PAX7: variants seen among roughly 807,000 people sequenced by gnomAD.
The protein encoded by PAX7 is paired box 7.
In PAX7, 18 loss-of-function variants were observed where a neutral mutation model predicts 50.7. That is an observed-to-expected ratio of 0.36 (90% CI 0.25 to 0.53). The LOEUF is 0.53. Ranked by LOEUF, PAX7 falls within the 20% of genes least tolerant of loss-of-function variation. PAX7 has a pLI of 0.93. For synonymous variants in PAX7, 310 were observed against 290.4 expected (o/e 1.07, Z -0.69); for missense variants, 644 against 702.9 (o/e 0.92, Z 0.95).
At chr1:18,646,164 C>T (rs2088334603) in intron 4 of PAX7, among the ~76,000 whole-genome samples, 1 of 152,208 alleles carries the variant, frequency 6.6e-6, no homozygotes. Context: ...TGCAGAATCC[C>T]AGCATGTCCG....
At chr1:18,734,292 C>G (rs1371447584) in intron 7 of PAX7, among the ~76,000 whole-genome samples, 1 of 152,134 alleles carries the variant, frequency 6.6e-6, no homozygotes, top group Non-Finnish European at 1.5e-5. Context: ...AAAGCCGTCC[C>G]CACCTCATAC....
intron 4 of PAX7, among the ~76,000 whole-genome samples, chr1:18,654,045 A>G (rs1478013473): frequency 1.3e-5 from 2 of 152,082 alleles, no homozygotes; most frequent in Non-Finnish European, 2.9e-5. Context: ...AATACGCCAA[A>G]GATGAACGCC....
chr1:18,744,696 G>GGATGGATA (rs1931347248), intron 8 of PAX7, 118 bp from the exon 9 acceptor site: 4 of 379,650 alleles, frequency 1.1e-5, no homozygotes, highest in Middle Eastern at 5.6e-4. Context: ...ATAAATGGAT[G>GGATGGATA]GATGGATGGA....
rs886254735 is a variant in PAX7, at chr1:18,632,524, T to C, written c.85+836T>C. On this transcript the variant is annotated intron_variant, in intron 1 of 8. Transcript: ENST00000420770. This position sits in a 1 kb window ranked among gnomAD's most constrained non-coding sequence, Gnocchi z 6.3. Reference sequence around the variant, plus strand: ...ACAGCGGAGAGACCCGCTCCTGTGTTTTTGTTCTGTTTTCTTTTTAAACTA... The same window carrying C: ...ACAGCGGAGAGACCCGCTCCTGTGTCTTTGTTCTGTTTTCTTTTTAAACTA... Among the ~76,000 whole-genome samples, 1 of 152,076 alleles carries C rather than the reference T, an allele frequency of 6.6e-6. No homozygotes were observed. Among genetic ancestry groups the C allele is most frequent in the African/African-American group, 2.4e-5 (1 of 41,416 alleles).
chr1:18,691,483 G>A (rs1296700572), intron 4 of PAX7, among the ~76,000 whole-genome samples: 9 of 152,136 alleles, frequency 5.9e-5, no homozygotes, highest in Non-Finnish European at 1.3e-4. Flanking sequence ...GTTGTTGTTT[G>A]TTTGTTTGTT....
chr1:18,664,548 G>T (rs189034990), intron 4 of PAX7, among the ~76,000 whole-genome samples: 5 of 152,270 alleles, frequency 3.3e-5, no homozygotes, highest in Non-Finnish European at 7.3e-5. Context: ...TATGAAGCTT[G>T]TCCCAAGCTG....
intron 7 of PAX7, among the ~76,000 whole-genome samples, chr1:18,727,961 CA>C (rs1209567258): frequency 6.7e-6 from 1 of 150,144 alleles, no homozygotes; most frequent in Non-Finnish European, 1.5e-5. Context: ...CCGCTGTCCA[CA>C]GGGGGAAAGG....
intron 8 of PAX7, among the ~76,000 whole-genome samples, chr1:18,740,177 T>A (rs1931049096): frequency 6.6e-6 from 1 of 152,146 alleles, no homozygotes; most frequent in Non-Finnish European, 1.5e-5. Flanking sequence ...TAATAAGAGA[T>A]GTCACAACCC....
At chr1:18,653,822 C>T (rs1189689838) in intron 4 of PAX7, among the ~76,000 whole-genome samples, 1 of 151,958 alleles carries the variant, frequency 6.6e-6, no homozygotes, top group East Asian at 1.9e-4. Flanking sequence ...AGTCCAGCCT[C>T]TTTTCCCTGC....
intron 4 of PAX7, among the ~76,000 whole-genome samples, chr1:18,690,715 A>G (rs2100293369): frequency 6.6e-6 from 1 of 152,332 alleles, no homozygotes; most frequent in African/African-American, 2.4e-5. Flanking sequence ...TCCATGGTGG[A>G]AATTAGTGGG....
At chr1:18,657,817 G>A (rs1371168459) in intron 4 of PAX7, among the ~76,000 whole-genome samples, 2 of 151,850 alleles carry the variant, frequency 1.3e-5, no homozygotes, top group East Asian at 1.9e-4. Flanking sequence ...AAAAAAAGAC[G>A]CCAGCCTTCT....
chr1:18,722,000 C>T (rs1318672513), intron 7 of PAX7, among the ~76,000 whole-genome samples: 2 of 152,162 alleles, frequency 1.3e-5, no homozygotes, highest in African/African-American at 4.8e-5. Flanking sequence ...GTCACTTGAC[C>T]TCTCTGTGCC....
At position 18,726,508 on chromosome 1, in the gene PAX7, CTGGCCAAATCCAGGCACGTCA is replaced by C. The variant is rs1012820023; in HGVS notation, c.1156-9096_1156-9076del. ...CGCCAAGTCTGTCCCCAGGCAGCTC[CTGGCCAAATCCAGGCACGTCA>C]TGGCCAAATCCAGGCACGTCATGGC... On this transcript the variant is annotated intron_variant, in intron 7 of 8. Coordinates refer to ENST00000420770, the MANE Select transcript of PAX7 (RefSeq NM_001135254.2). This position sits in a 1 kb window ranked among gnomAD's most constrained non-coding sequence, Gnocchi z 4.8. 2.0e-4 allele frequency among the ~76,000 whole-genome samples: 31 copies of C among 152,298 alleles called. No homozygotes were observed. Among genetic ancestry groups the C allele is most frequent in the East Asian group, 3.9e-4 (2 of 5,182 alleles).
At position 18,634,282 on chromosome 1, in the gene PAX7, C is replaced by T; in HGVS notation, c.86-21C>T. 3.1e-6 allele frequency: 5 copies of T among 1,592,636 alleles called. No homozygotes were observed. The highest frequency in any genetic ancestry group is 4.3e-6 in the Non-Finnish European group (5 of 1,162,648). On this transcript the variant is annotated intron_variant, in intron 1 of 8. Transcript: ENST00000420770. The surrounding 1 kb of genome is among the most constrained non-coding windows in gnomAD (Gnocchi z 4.0). Reference sequence around the variant, plus strand: ...CTCACCCTGCACCTCTCTCCTTCTGCATCTCCCCTCCCTTCTCCAGTGTCC... The same window carrying T: ...CTCACCCTGCACCTCTCTCCTTCTGTATCTCCCCTCCCTTCTCCAGTGTCC...
chr1:18,732,621 A>G (rs1222882102), intron 7 of PAX7, among the ~76,000 whole-genome samples: 1 of 152,198 alleles, frequency 6.6e-6, no homozygotes, highest in Admixed American at 6.5e-5. Flanking sequence ...AAGGGGTGAA[A>G]GGAGTTGGGA....
intron 4 of PAX7, among the ~76,000 whole-genome samples, chr1:18,660,149 T>A (rs564514346): frequency 2.6e-5 from 4 of 152,074 alleles, no homozygotes; most frequent in Admixed American, 2.6e-4. Flanking sequence ...GCCCCTAGGA[T>A]AGGGCCAAAT....
chr1:18,700,819 G>T lies in PAX7; in HGVS notation c.952+1G>T. Reference sequence around the variant, plus strand: ...TACCCCACCACCACCATCTCCCAAGGTGAGTGTCTTGGCCCCGTCCTGCCA... The same window carrying T: ...TACCCCACCACCACCATCTCCCAAGTTGAGTGTCTTGGCCCCGTCCTGCCA... On this transcript the variant is annotated splice_donor_variant, in intron 6 of 8. Transcript: ENST00000420770. LOFTEE classifies it high-confidence loss of function. This position sits in a 1 kb window ranked among gnomAD's most constrained non-coding sequence, Gnocchi z 4.8. The T allele has an allele frequency of 1.3e-6, 2 of 1,506,024 alleles. No individual in the cohort carries two copies. The highest frequency in any genetic ancestry group is 2.8e-5 in the African/African-American group (2 of 70,300). The allele number at this position is 1,506,024 out of a possible 1,614,324, so 93.3% of individuals were successfully genotyped here.
At chr1:18,639,614 G>A (rs1006632132) in intron 4 of PAX7, among the ~76,000 whole-genome samples, 1 of 152,118 alleles carries the variant, frequency 6.6e-6, no homozygotes, top group African/African-American at 2.4e-5. Flanking sequence ...AACAGGGAGG[G>A]GATTTGAGGA....
At chr1:18,731,355 C>T (rs2089644877) in intron 7 of PAX7, among the ~76,000 whole-genome samples, 1 of 152,156 alleles carries the variant, frequency 6.6e-6, no homozygotes, top group Non-Finnish European at 1.5e-5. Flanking sequence ...CAAACCTCTC[C>T]CTGTGTGCTC....
Sources: allele counts gnomAD v4.1 joint callset (sites outside exome capture counted in the v4.1 genomes callset), GRCh38; gene constraint gnomAD v4.1.1; non-coding constraint Gnocchi (gnomAD v3.1); transcripts MANE v1.5; gene names NCBI Gene and HGNC (gene_info 2026-07-23, HGNC 2026-07-21).